The following RYR3 variants were observed in gnomAD, a reference collection of about 807,000 sequenced individuals.
RYR3 encodes the protein ryanodine receptor 3, also known as brain ryanodine receptor-calcium release channel.
RYR3 carries 207 observed loss-of-function variants against 584.3 expected under a neutral mutation model. The ratio of observed to expected loss-of-function variants is 0.35; its 90% confidence interval spans 0.32 to 0.40. RYR3 has a LOEUF of 0.40. Among genes scored for constraint, RYR3 ranks in the 10% least tolerant of loss-of-function variants. The pLI, the probability that RYR3 is intolerant of heterozygous loss-of-function variation, is 1.00. For synonymous variants in RYR3, 2,416 were observed against 2,248.5 expected, an observed-to-expected ratio of 1.07 and a Z score of -2.11; for missense variants, 5,616 against 6,089.2, an observed-to-expected ratio of 0.92 and a Z score of 2.59.
At chr15:33,530,430 CT>C (rs2054768881) in intron 3 of RYR3, among the ~76,000 whole-genome samples, 161 bp from the exon 4 acceptor site, 2 of 152,230 alleles carry the variant, frequency 1.3e-5, no homozygotes, top group South Asian at 4.1e-4. Flanking sequence ...TCACACGTCT[CT>C]TTCTGCCCGT....
chr15:33,480,912 A>T (rs1274367690), intron 2 of RYR3, among the ~76,000 whole-genome samples: 2 of 152,202 alleles, frequency 1.3e-5, no homozygotes, highest in Non-Finnish European at 2.9e-5. Flanking sequence ...CTGCTGTTTT[A>T]TCAATTATTG....
At chr15:33,810,396 G>A in intron 70 of RYR3, 83 bp from the exon 71 acceptor site, 2 of 1,431,448 alleles carry the variant, frequency 1.4e-6, no homozygotes, top group Admixed American at 1.8e-5. Flanking sequence ...GGGCCACAAG[G>A]AGGCAGGCTG....
chr15:33,857,743 C>G (rs1348754415), intron 98 of RYR3, 37 bp from the exon 99 acceptor site: 1 of 1,612,662 alleles, frequency 6.2e-7, no homozygotes, highest in Admixed American at 1.7e-5. Context: ...TAGAGAAGAC[C>G]CCACTCCTTT....
At chr15:33,379,814 C>T (rs886909581) in intron 1 of RYR3, among the ~76,000 whole-genome samples, 1 of 151,754 alleles carries the variant, frequency 6.6e-6, no homozygotes, top group African/African-American at 2.4e-5. Context: ...AGTCCATGTT[C>T]GAAAGCCTCA....
chr15:33,335,332 G>A (rs1030034972), intron 1 of RYR3, among the ~76,000 whole-genome samples: 2 of 152,228 alleles, frequency 1.3e-5, no homozygotes, highest in Non-Finnish European at 2.9e-5. Context: ...TATACACCAT[G>A]GAATACTATG....
intron 2 of RYR3, 50 bp downstream of exon 2, chr15:33,473,588 A>G: frequency 1.2e-6 from 2 of 1,602,996 alleles, no homozygotes; most frequent in Non-Finnish European, 1.7e-6. Flanking sequence ...GCGTCTGACA[A>G]AGTCATTTAG....
chr15:33,537,909 T>C (rs1229613812), intron 5 of RYR3, among the ~76,000 whole-genome samples: 1 of 152,148 alleles, frequency 6.6e-6, no homozygotes, highest in Non-Finnish European at 1.5e-5. Context: ...AGGTTGGTTT[T>C]TTGATAATTC....
At chr15:33,760,646 A>G (rs2072339041) in intron 60 of RYR3, among the ~76,000 whole-genome samples, 1 of 152,222 alleles carries the variant, frequency 6.6e-6, no homozygotes, top group African/African-American at 2.4e-5. Context: ...CTCCCACACA[A>G]TAATAGTGGG....
intron 1 of RYR3, among the ~76,000 whole-genome samples, chr15:33,403,965 A>G (rs1051751845): frequency 2.0e-5 from 3 of 152,228 alleles, no homozygotes; most frequent in African/African-American, 7.2e-5. Flanking sequence ...ATAGCCAAAA[A>G]GCATATGGAA....
chr15:33,764,807 C>T (rs535974306), intron 60 of RYR3, among the ~76,000 whole-genome samples: 7 of 152,060 alleles, frequency 4.6e-5, no homozygotes, highest in South Asian at 2.1e-4. Flanking sequence ...CCAGGGCAGG[C>T]GGATCACAAG....
At chr15:33,669,008 T>A (rs2063657097) in intron 36 of RYR3, among the ~76,000 whole-genome samples, 1 of 152,154 alleles carries the variant, frequency 6.6e-6, no homozygotes, top group Non-Finnish European at 1.5e-5. Flanking sequence ...TGGAAAACTC[T>A]GGTTTTTAAA....
At chr15:33,315,207 C>T (rs1967985449) in intron 1 of RYR3, among the ~76,000 whole-genome samples, 1 of 152,148 alleles carries the variant, frequency 6.6e-6, no homozygotes, top group Non-Finnish European at 1.5e-5. Context: ...CACGTGAGCT[C>T]ATGTCTCTCG....
intron 90 of RYR3, 141 bp from the exon 91 acceptor site, chr15:33,841,723 T>A: frequency 1.3e-6 from 1 of 762,960 alleles, no homozygotes; most frequent in South Asian, 2.1e-5. Flanking sequence ...TGTGGATTGA[T>A]AAAGACCTGA....
At chr15:33,457,382 T>C (rs1226953348) in intron 1 of RYR3, among the ~76,000 whole-genome samples, 1 of 152,178 alleles carries the variant, frequency 6.6e-6, no homozygotes, top group Non-Finnish European at 1.5e-5. Context: ...GATAATGTAA[T>C]GTATATACGC....
chr15:33,340,093 C>T (rs528287521), intron 1 of RYR3, among the ~76,000 whole-genome samples: 22 of 152,186 alleles, frequency 1.4e-4, no homozygotes, highest in South Asian at 2.1e-4. Flanking sequence ...GCCTGCTTCT[C>T]CTCCAAGGAC....
chr15:33,862,278 T>A (rs1339000144), intron 102 of RYR3, among the ~76,000 whole-genome samples: 1 of 152,144 alleles, frequency 6.6e-6, no homozygotes, highest in African/African-American at 2.4e-5. Flanking sequence ...AGTGGTATGA[T>A]CTTGGCTCAC....
At chr15:33,779,735 G>T (rs1340787890) in intron 64 of RYR3, among the ~76,000 whole-genome samples, 1 of 152,150 alleles carries the variant, frequency 6.6e-6, no homozygotes, top group Non-Finnish European at 1.5e-5. Flanking sequence ...GGGCGTGGTG[G>T]CTCACGCCTG....
At position 33,806,528 on chromosome 15, in the gene RYR3, G is replaced by A. The variant is rs114377940; in HGVS notation, c.10012-1027G>A. Among the ~76,000 whole-genome samples, 971 of 151,498 alleles carry A rather than the reference G, an allele frequency of 6.4e-3. 19 individuals are homozygous for A. The highest frequency in any genetic ancestry group is 0.022 in the African/African-American group (928 of 41,358). On this transcript the variant is annotated intron_variant, in intron 69 of 103. Coordinates refer to ENST00000634891, the MANE Select transcript of RYR3 (RefSeq NM_001036.6). ...GGAAGAAAACGCAAGAAAATAAAAC[G>A]TTTCCACCACCAAATTTTTAAAAGC...
intron 1 of RYR3, among the ~76,000 whole-genome samples, chr15:33,423,970 C>T (rs2044421828): frequency 6.6e-6 from 1 of 152,184 alleles, no homozygotes; most frequent in Non-Finnish European, 1.5e-5. Flanking sequence ...CAGCTCTTGG[C>T]CATGTCAATA....
Sources: allele counts gnomAD v4.1 joint callset (sites outside exome capture counted in the v4.1 genomes callset), GRCh38; gene constraint gnomAD v4.1.1; transcripts MANE v1.5; gene names NCBI Gene and HGNC (gene_info 2026-07-23, HGNC 2026-07-21).